Variants in PCDHA1 observed in about 807,000 individuals in gnomAD.
The protein encoded by PCDHA1 is protocadherin alpha-1.
PCDHA1 carries 42 observed loss-of-function variants against 61.3 expected under a neutral mutation model. The ratio of observed to expected loss-of-function variants is 0.69; its 90% CI spans 0.54 to 0.89. PCDHA1 has a LOEUF of 0.89. PCDHA1 is among the 40% of genes least tolerant of loss of function. The probability of loss-of-function intolerance (pLI) is 0.00; values close to 1 mark genes in which losing one functional copy is unlikely to be tolerated. For missense variants in PCDHA1, 1,256 were observed against 1,235.3 expected (o/e 1.02, Z -0.25); for synonymous variants, 610 against 553.8 (o/e 1.10, Z -1.43).
At chr5:140,968,345 G>A in intron 1 of PCDHA1, 2 of 1,614,132 alleles carry the variant, frequency 1.2e-6, no homozygotes, top group Non-Finnish European at 8.5e-7. Flanking sequence ...CATTAACAGT[G>A]CCAGTGGCAG....
intron 3 of PCDHA1, among the ~76,000 whole-genome samples, chr5:140,991,807 C>T (rs782693963): frequency 4.6e-5 from 7 of 152,278 alleles, no homozygotes; most frequent in Admixed American, 6.5e-5. Context: ...AGGCCACTTC[C>T]GCATTTTTAG....
In PCDHA1 at chr5:140,795,635, G is replaced by C. The variant is rs782208465; in HGVS notation, c.2394+6951G>C. On this transcript the variant is annotated intron_variant, in intron 1 of 3. Transcript: ENST00000504120. ...GATGGGGGCAAACCTGAGCTCACGG[G>C]CACCGTTCAAATACTTATTAAGGTA... 5 of 1,613,996 alleles carry C rather than the reference G, an allele frequency of 3.1e-6. No individual in the cohort carries two copies. In the East Asian group the frequency reaches 1.1e-4, roughly 36 times the overall value.
intron 1 of PCDHA1, chr5:140,813,694 C>CA (rs1765363147): frequency 1.3e-5 from 2 of 152,120 alleles, no homozygotes; most frequent in African/African-American, 4.8e-5. Context: ...CTCAATTTAT[C>CA]AAAAAATTTT....
At chr5:140,877,990 T>C in intron 1 of PCDHA1, 1 of 1,127,766 alleles carries the variant, frequency 8.9e-7, no homozygotes. Flanking sequence ...TTTTGAACTT[T>C]TATGTATTTG....
intron 1 of PCDHA1, chr5:140,828,109 G>C: frequency 1.2e-6 from 2 of 1,611,506 alleles, no homozygotes; most frequent in East Asian, 4.5e-5. Flanking sequence ...TTACCCCGGA[G>C]GATAGATTGG....
intron 1 of PCDHA1, chr5:140,850,281 G>A: frequency 6.3e-7 from 1 of 1,595,580 alleles, no homozygotes. Context: ...GAAGGTGCGC[G>A]CAGTGGACGC....
chr5:140,879,003 G>C (rs781827510), intron 1 of PCDHA1, among the ~76,000 whole-genome samples: 1 of 152,144 alleles, frequency 6.6e-6, no homozygotes, highest in African/African-American at 2.4e-5. Flanking sequence ...GTATGCCCTA[G>C]AAATCAGATA....
At chr5:140,894,223 T>C (rs2064371572) in intron 1 of PCDHA1, among the ~76,000 whole-genome samples, 1 of 152,124 alleles carries the variant, frequency 6.6e-6, no homozygotes. Context: ...ATTTTAAAGA[T>C]GTTGAATGAC....
chr5:140,802,672 A>G (rs1554122273), intron 1 of PCDHA1: 15 of 1,613,198 alleles, frequency 9.3e-6, no homozygotes, highest in Non-Finnish European at 1.2e-5. Context: ...CTGGTGTCCT[A>G]CTCGCTGGTG....
At chr5:140,859,448 G>C (rs1434508059) in intron 1 of PCDHA1, 1 of 222,132 alleles carries the variant, frequency 4.5e-6, no homozygotes, top group African/African-American at 2.3e-5. Flanking sequence ...CTTAGTTGCA[G>C]AGTGACAAAA....
At chr5:140,927,269 C>T in intron 1 of PCDHA1, 1 of 1,614,142 alleles carries the variant, frequency 6.2e-7, no homozygotes, top group Non-Finnish European at 8.5e-7. Context: ...CTCTTTCCTG[C>T]CGGCGACGTG....
chr5:140,921,101 C>T (rs1331761775), intron 1 of PCDHA1, among the ~76,000 whole-genome samples: 3 of 152,002 alleles, frequency 2.0e-5, no homozygotes, highest in African/African-American at 4.8e-5. Context: ...CTGCCTCAGT[C>T]TCCTAAGTAG....
intron 1 of PCDHA1, among the ~76,000 whole-genome samples, chr5:140,797,819 T>G (rs1198926171): frequency 3.3e-5 from 5 of 152,158 alleles, no homozygotes; most frequent in African/African-American, 1.2e-4. Flanking sequence ...ACAATGCCCT[T>G]GTCTATGCAA....
At chr5:140,822,050 A>AG (rs2150113241) in intron 1 of PCDHA1, 2 of 1,614,182 alleles carry the variant, frequency 1.2e-6, no homozygotes, top group South Asian at 2.2e-5. Flanking sequence ...ATCGACCGGG[A>AG]GGAGCTGTGC....
At chr5:140,933,527 A>G (rs1324786303) in intron 1 of PCDHA1, among the ~76,000 whole-genome samples, 1 of 152,060 alleles carries the variant, frequency 6.6e-6, no homozygotes, top group African/African-American at 2.4e-5. Flanking sequence ...TTTTGTTTAA[A>G]CTCAAAATAA....
chr5:140,808,999 C>A (rs17844283), intron 1 of PCDHA1: 1 of 1,613,708 alleles, frequency 6.2e-7, no homozygotes. Flanking sequence ...CGGGCTACAA[C>A]GCGTGGCTTT....
At chr5:140,843,473 T>A (rs2150360834) in intron 1 of PCDHA1, 2 of 1,595,974 alleles carry the variant, frequency 1.3e-6, no homozygotes, top group Non-Finnish European at 1.7e-6. Flanking sequence ...GCTGCTGCTG[T>A]ACACTGCGCT....
At chr5:140,909,850 C>T (rs181576128) in intron 1 of PCDHA1, among the ~76,000 whole-genome samples, 30 of 152,294 alleles carry the variant, frequency 2.0e-4, no homozygotes, top group Admixed American at 5.9e-4. Flanking sequence ...AGGACGTTTT[C>T]GGTCCCCTGG....
chr5:140,887,101 CT>C (rs200717289), intron 1 of PCDHA1, among the ~76,000 whole-genome samples: 3,245 of 145,086 alleles, frequency 0.022, 87 homozygotes, highest in African/African-American at 0.074. Flanking sequence ...ATCTTTATCT[CT>C]TTTTTTTTTT....
Sources: gnomAD v4.1 joint callset for allele counts (sites outside exome capture counted in the v4.1 genomes callset) on GRCh38, gnomAD v4.1.1 for gene constraint, MANE v1.5 for transcripts, NCBI Gene and HGNC (gene_info 2026-07-23, HGNC 2026-07-21) for gene names.